The following ARSB variants were observed in gnomAD, a reference collection of about 807,000 sequenced individuals.
ARSB encodes the protein N-acetylgalactosamine-4-sulfatase.
In ARSB, 41 loss-of-function variants were observed where a neutral mutation model predicts 50.9. That is an observed-to-expected ratio of 0.81 (90% confidence interval 0.63 to 1.04). The LOEUF is 1.04. ARSB is among the 50% of genes least tolerant of loss of function. ARSB has a pLI of 0.00. For missense variants in ARSB, 672 were observed against 693.3 expected, an observed-to-expected ratio of 0.97 and a Z score of 0.35; for synonymous variants, 269 against 284.8, an observed-to-expected ratio of 0.94 and a Z score of 0.56.
At chr5:78,797,604 C>A (rs73120679) in intron 6 of ARSB, among the ~76,000 whole-genome samples, 375 of 152,352 alleles carry the variant, frequency 2.5e-3, no homozygotes, top group African/African-American at 8.6e-3. Context: ...CCTGTATCCA[C>A]CATGGACAAT....
chr5:78,796,215 C>A (rs1225215816), intron 6 of ARSB, among the ~76,000 whole-genome samples: 1 of 152,214 alleles, frequency 6.6e-6, no homozygotes, highest in African/African-American at 2.4e-5. Flanking sequence ...TCATATTATT[C>A]ATTTACTTAC....
At chr5:78,791,455 C>T (rs1197313672) in intron 6 of ARSB, among the ~76,000 whole-genome samples, 1 of 152,238 alleles carries the variant, frequency 6.6e-6, no homozygotes, top group Non-Finnish European at 1.5e-5. Context: ...TTCAAAGGAT[C>T]TCAAACTGAA....
chr5:78,834,607 G>GTATATGTA (rs1744855418), intron 6 of ARSB, among the ~76,000 whole-genome samples: 1 of 85,602 alleles, frequency 1.2e-5, no homozygotes. Flanking sequence ...ATATATATGT[G>GTATATGTA]TATATATATA....
intron 1 of ARSB, among the ~76,000 whole-genome samples, chr5:78,971,871 G>A (rs547425923): frequency 6.6e-6 from 1 of 152,322 alleles, no homozygotes; most frequent in East Asian, 1.9e-4. Flanking sequence ...AGTGTGTACA[G>A]TTCATTGTAT....
In ARSB at chr5:78,801,117, A is replaced by C. The variant is rs745700953; in HGVS notation, c.1214-19143T>G. 2.0e-5 allele frequency among the ~76,000 whole-genome samples: 3 copies of C among 152,200 alleles called. No individual in the cohort carries two copies. In the East Asian group the frequency reaches 5.8e-4, roughly 29 times the overall value. ...TTCAGTAGGTACTTGGAAGCAAGTA[A>C]AATTTTTTTTTAGCAGGGATGAAAG... On this transcript the variant is annotated intron_variant, in intron 6 of 7. Coordinates refer to ENST00000264914, the MANE Select transcript of ARSB (RefSeq NM_000046.5).
At chr5:78,920,954 G>C (rs1749784717) in intron 4 of ARSB, among the ~76,000 whole-genome samples, 1 of 152,012 alleles carries the variant, frequency 6.6e-6, no homozygotes, top group African/African-American at 2.4e-5. Context: ...ACAAACTCCT[G>C]GATCAGACCT....
chr5:78,985,271 C>T lies in ARSB; in HGVS notation c.-23G>A, dbSNP rs898939363. The stretch of plus-strand genomic sequence containing the variant: ...CATCCTTGTCCGCCCGCGGTCCCAG[C>T]GCCTGTGGCGCCACCAGCCCCTTGT... On this transcript the variant is annotated 5_prime_UTR_variant, in exon 1 of 8. Coordinates refer to ENST00000264914, the MANE Select transcript of ARSB (RefSeq NM_000046.5). 38 of 1,292,254 alleles carry T rather than the reference C, an allele frequency of 2.9e-5. No individual in the cohort carries two copies. The highest frequency in any genetic ancestry group is 3.4e-5 in the Non-Finnish European group (35 of 1,024,692). 80.0% of individuals were successfully genotyped at this position (1,292,254 alleles called of 1,614,324 possible). A position where few individuals can be genotyped will look rare whatever the true frequency, so the allele number is the denominator to read the frequency against.
intron 4 of ARSB, among the ~76,000 whole-genome samples, chr5:78,943,064 T>C (rs1751018263): frequency 6.6e-6 from 1 of 152,222 alleles, no homozygotes; most frequent in South Asian, 2.1e-4. Context: ...TGATCTTTGT[T>C]GGTTTAAAGT....
intron 4 of ARSB, among the ~76,000 whole-genome samples, chr5:78,933,038 T>A (rs1750408487): frequency 6.6e-6 from 1 of 152,182 alleles, no homozygotes; most frequent in South Asian, 2.1e-4. Flanking sequence ...TATTAGCAAG[T>A]GGGTTGGATA....
chr5:78,861,299 G>A (rs1350029784), intron 5 of ARSB, among the ~76,000 whole-genome samples: 1 of 152,034 alleles, frequency 6.6e-6, no homozygotes, highest in Non-Finnish European at 1.5e-5. Flanking sequence ...GCCTGGCAGA[G>A]ACACAACAAA....
chr5:78,942,688 C>T (rs1414243672), intron 4 of ARSB, among the ~76,000 whole-genome samples: 1 of 151,660 alleles, frequency 6.6e-6, no homozygotes, highest in Non-Finnish European at 1.5e-5. Context: ...TTGCTGAGTG[C>T]TTTACTTCCA....
chr5:78,853,574 C>T (rs1209292284), intron 5 of ARSB, among the ~76,000 whole-genome samples: 3 of 152,222 alleles, frequency 2.0e-5, no homozygotes, highest in Non-Finnish European at 4.4e-5. Context: ...GGGAGAACCA[C>T]TGCTCTCTTC....
chr5:78,908,497 C>G (rs1749164183), intron 4 of ARSB, among the ~76,000 whole-genome samples: 1 of 152,182 alleles, frequency 6.6e-6, no homozygotes, highest in Non-Finnish European at 1.5e-5. Context: ...GCCTGGCAGA[C>G]AGCTGTCAGC....
intron 7 of ARSB, among the ~76,000 whole-genome samples, chr5:78,781,522 T>G (rs1228802004): frequency 2.6e-5 from 4 of 151,666 alleles, no homozygotes; most frequent in African/African-American, 9.7e-5. Flanking sequence ...ACAGGCGGAG[T>G]CTTAGAATTG....
At chr5:78,817,766 G>A (rs776670428) in intron 6 of ARSB, among the ~76,000 whole-genome samples, 12 of 152,046 alleles carry the variant, frequency 7.9e-5, no homozygotes, top group African/African-American at 1.9e-4. Flanking sequence ...CTGAGAGTAC[G>A]CCACTGTACT....
At chr5:78,817,265 C>T (rs535217922) in intron 6 of ARSB, 22 of 262,304 alleles carry the variant, frequency 8.4e-5, no homozygotes, top group Non-Finnish European at 1.1e-4. Flanking sequence ...TCCCCAAACC[C>T]ACACATCCTT....
intron 1 of ARSB, among the ~76,000 whole-genome samples, chr5:78,981,317 T>A (rs1216130820): frequency 3.9e-5 from 6 of 152,124 alleles, no homozygotes; most frequent in Admixed American, 1.3e-4. Context: ...CTCCATTGCC[T>A]CCAACCTGTA....
rs1055417691 is a variant in ARSB at position 78,778,962 on chromosome 5, G to A, written c.*1435C>T. The A allele has an allele frequency of 6.6e-6, 1 of 152,274 alleles. No individual in the cohort carries two copies. The highest frequency in any genetic ancestry group is 6.5e-5 in the Admixed American group (1 of 15,290). 9.4% of individuals were successfully genotyped at this position (152,274 alleles called of 1,614,324 possible). A position where few individuals can be genotyped will look rare whatever the true frequency, so the allele number is the denominator to read the frequency against. ...GAGCCCAGGAGTTTGAGGCTACGGT[G>A]AGTTGTGATTGTACCACTGTACTCC... On this transcript the variant is annotated 3_prime_UTR_variant, in exon 8 of 8. Transcript: ENST00000264914.
chr5:78,984,973 C>T lies in ARSB; in HGVS notation c.276G>A (p.Thr92=), dbSNP rs1474189742. 4 of 1,508,278 alleles carry T rather than the reference C, an allele frequency of 2.7e-6. No homozygotes were observed. The highest frequency in any genetic ancestry group is 1.3e-5 in the South Asian group (1 of 78,354). The allele number at this position is 1,508,278 out of a possible 1,614,324, so 93.4% of individuals were successfully genotyped here. A position where few individuals can be genotyped will look rare whatever the true frequency, so the allele number is the denominator to read the frequency against. ...CAGTGAGCAGCTGGCTCCGCGACGG[C>T]GTGCACAGCGGCTGCGTGTAGTAGT... is the stretch of plus-strand genomic sequence containing the variant. ...LDNYYTQPLC[T]PSRSQLLTGR... Residue 92 remains threonine (T), a synonymous_variant, in exon 1 of 8, where the codon ACG becomes ACA. Transcript: ENST00000264914.
Sources: gnomAD v4.1 joint callset for allele counts (sites outside exome capture counted in the v4.1 genomes callset) on GRCh38, gnomAD v4.1.1 for gene constraint, MANE v1.5 for transcripts, NCBI Gene and HGNC (gene_info 2026-07-23, HGNC 2026-07-21) for gene names.